The following DOCK7 variants were observed in gnomAD, a reference collection of about 807,000 sequenced individuals.
The protein encoded by DOCK7 is dedicator of cytokinesis protein 7.
DOCK7 carries 138 observed loss-of-function variants against 271.0 expected under a neutral mutation model. The observed-to-expected ratio is 0.51, with a 90% confidence interval of 0.44 to 0.59. DOCK7 has a LOEUF of 0.59. Among genes scored for constraint, DOCK7 ranks in the 20% least tolerant of loss-of-function variants. The pLI is 0.00. For synonymous variants in DOCK7, 823 were observed against 876.1 expected (o/e 0.94, Z 1.07); for missense variants, 2,066 against 2,592.4 (o/e 0.80, Z 4.41).
In DOCK7 at chr1:62,666,453, T is replaced by C. The variant is rs970435289; in HGVS notation, c.39-3323A>G. On this transcript the variant is annotated intron_variant, in intron 1 of 49. Coordinates refer to ENST00000635253, the MANE Select transcript of DOCK7 (RefSeq NM_001367561.1). The stretch of plus-strand genomic sequence containing the variant: ...GAAAATCTATTAATTTGAAAATAAG[T>C]TGTGATAATGCAACAAGAACCATTT... Among the ~76,000 whole-genome samples, 7 of 152,164 alleles carry C rather than the reference T, an allele frequency of 4.6e-5. No individual in the cohort carries two copies. The South Asian group carries it at 1.4e-3, about 32-fold the overall frequency.
chr1:62,664,383 G>A (rs1183100447), intron 1 of DOCK7, among the ~76,000 whole-genome samples: 7 of 152,058 alleles, frequency 4.6e-5, no homozygotes, highest in Non-Finnish European at 7.4e-5. Flanking sequence ...TTTATAAGGG[G>A]TTTCCCCTTT....
chr1:62,487,255 C>A lies in DOCK7; in HGVS notation c.5508+143G>T, dbSNP rs532132283. On this transcript the variant is annotated intron_variant, in intron 43 of 49. Coordinates refer to ENST00000635253, the MANE Select transcript of DOCK7 (RefSeq NM_001367561.1). ...CTTAAAATAACTTACAATATTTTAA[C>A]AAAATTTCTTTGGTTAATGAATTCA... The A allele has an allele frequency of 8.2e-6, 6 of 733,138 alleles. No homozygotes were observed. The South Asian group carries it at 1.3e-4, about 16-fold the overall frequency. The allele number at this position is 733,138 out of a possible 1,614,324, so 45.4% of individuals were successfully genotyped here. A position where few individuals can be genotyped will look rare whatever the true frequency, so the allele number is the denominator to read the frequency against.
intron 44 of DOCK7, chr1:62,477,154 A>C (rs905322924): frequency 1.3e-5 from 2 of 152,264 alleles, no homozygotes; most frequent in Admixed American, 6.5e-5. Flanking sequence ...AAGGTTGGAA[A>C]GAATAACTAT....
chr1:62,518,953 A>G (rs1644759934), intron 31 of DOCK7, among the ~76,000 whole-genome samples: 1 of 152,048 alleles, frequency 6.6e-6, no homozygotes, highest in Non-Finnish European at 1.5e-5. Flanking sequence ...TTTTTAAAAG[A>G]AGTATCTAAA....
rs1646502495 is a variant in DOCK7 at position 62,492,722 on chromosome 1, T to C, written c.5343A>G (p.Ala1781=). ...ESGLVGLLEQ[A]AASFSMAGMY... The stretch of plus-strand genomic sequence containing the variant: ...CATCTACCATAGAGAAGGAAGCAGC[T>C]GCTTGTTCCAGTAATCCCACAAGTC... The change falls in exon 41 of 50, where the codon GCA becomes GCG. Residue 1781 remains alanine, a synonymous_variant. Transcript: ENST00000635253. 1 of 1,614,016 alleles carries C rather than the reference T, an allele frequency of 6.2e-7. No individual in the cohort carries two copies. The highest frequency in any genetic ancestry group is 1.3e-5 in the African/African-American group (1 of 74,944).
chr1:62,610,573 C>T (rs1230105562), intron 14 of DOCK7, among the ~76,000 whole-genome samples: 4 of 152,034 alleles, frequency 2.6e-5, no homozygotes, highest in Non-Finnish European at 4.4e-5. Flanking sequence ...CCCATCAACC[C>T]GTCATCTACA....
chr1:62,572,703 C>T (rs552841035), intron 18 of DOCK7, among the ~76,000 whole-genome samples: 2 of 152,094 alleles, frequency 1.3e-5, no homozygotes, highest in East Asian at 3.9e-4. Context: ...AAGGCCCCAC[C>T]CTTATAACCT....
At chr1:62,661,696 G>GGACA (rs1314931785) in intron 2 of DOCK7, among the ~76,000 whole-genome samples, 2 of 152,008 alleles carry the variant, frequency 1.3e-5, no homozygotes, top group African/African-American at 4.8e-5. Flanking sequence ...TGATGTGGAA[G>GGACA]GACAATTGGA....
chr1:62,610,000 G>A (rs1398972911), intron 14 of DOCK7, among the ~76,000 whole-genome samples: 1 of 152,036 alleles, frequency 6.6e-6, no homozygotes, highest in Non-Finnish European at 1.5e-5. Context: ...ACAGGTATGT[G>A]CCACCATGCC....
chr1:62,670,199 G>A (rs922833686), intron 1 of DOCK7, among the ~76,000 whole-genome samples: 14 of 152,212 alleles, frequency 9.2e-5, no homozygotes, highest in Admixed American at 2.0e-4. Flanking sequence ...TTTGCGGCCC[G>A]AGCCTCCCCG....
At chr1:62,519,737 G>A (rs1644788641) in intron 31 of DOCK7, among the ~76,000 whole-genome samples, 1 of 152,056 alleles carries the variant, frequency 6.6e-6, no homozygotes, top group Non-Finnish European at 1.5e-5. Flanking sequence ...AGATGTAAGA[G>A]AATGCAACTA....
chr1:62,542,815 A>C (rs2149400127), intron 24 of DOCK7, 112 bp from the exon 25 acceptor site: 1 of 922,262 alleles, frequency 1.1e-6, no homozygotes, highest in East Asian at 2.7e-5. Flanking sequence ...AAAATAAGGC[A>C]CGTGAACCAT....
At chr1:62,654,745 T>A (rs1657788546) in intron 2 of DOCK7, among the ~76,000 whole-genome samples, 1 of 152,224 alleles carries the variant, frequency 6.6e-6, no homozygotes, top group Non-Finnish European at 1.5e-5. Flanking sequence ...TGCTGGATTA[T>A]CCAGGTGGTT....
At chr1:62,582,318 A>C (rs1224609909) in intron 16 of DOCK7, among the ~76,000 whole-genome samples, 1 of 151,842 alleles carries the variant, frequency 6.6e-6, no homozygotes, top group Non-Finnish European at 1.5e-5. Context: ...TGGGAGGCCG[A>C]GGCGGGCGGA....
At chr1:62,660,461 T>G (rs1033300008) in intron 2 of DOCK7, among the ~76,000 whole-genome samples, 1 of 152,200 alleles carries the variant, frequency 6.6e-6, no homozygotes, top group Admixed American at 6.5e-5. Context: ...TGGCTATTAT[T>G]TTTAAAATGG....
intron 1 of DOCK7, among the ~76,000 whole-genome samples, chr1:62,675,311 G>A (rs1487563087): frequency 6.6e-6 from 1 of 152,096 alleles, no homozygotes; most frequent in Admixed American, 6.5e-5. Flanking sequence ...GTTGAGCTGG[G>A]AAGATAGCTT....
chr1:62,560,234 C>T (rs1265053291), intron 19 of DOCK7, among the ~76,000 whole-genome samples: 2 of 152,142 alleles, frequency 1.3e-5, no homozygotes, highest in Admixed American at 6.5e-5. Flanking sequence ...TTTGGGAAGT[C>T]CCTCCACACC....
intron 11 of DOCK7, chr1:62,628,425 A>C (rs1275547697): frequency 5.3e-5 from 8 of 152,220 alleles, no homozygotes; most frequent in Non-Finnish European, 8.8e-5. Flanking sequence ...ACTTTCAATA[A>C]GGGATCTAAG....
At chr1:62,604,525 A>G in intron 14 of DOCK7, 1 of 1,210,712 alleles carries the variant, frequency 8.3e-7, no homozygotes, top group Non-Finnish European at 1.2e-6. Flanking sequence ...ACATGCATCT[A>G]AAACACTGTA....
Sources: gnomAD v4.1 joint callset for allele counts (sites outside exome capture counted in the v4.1 genomes callset) on GRCh38, gnomAD v4.1.1 for gene constraint, MANE v1.5 for transcripts, NCBI Gene and HGNC (gene_info 2026-07-23, HGNC 2026-07-21) for gene names.